Variants in ZNF600 observed in about 807,000 individuals in gnomAD.
ZNF600 encodes the protein zinc finger protein KR-ZNF1.
ZNF600 carries 4 observed loss-of-function variants against 7.3 expected under a neutral mutation model. The observed-to-expected ratio is 0.55, with a 90% CI of 0.27 to 1.25. The LOEUF is 1.25. ZNF600 is among the 50% of genes most tolerant of loss of function. The probability of loss-of-function intolerance (pLI) is 0.12; values close to 1 mark genes in which losing one functional copy is unlikely to be tolerated. For missense variants in ZNF600, 911 were observed against 922.1 expected (o/e 0.99, Z 0.16); for synonymous variants, 290 against 308.9 (o/e 0.94, Z 0.64).
the ZNF600 span, chr19:52,808,061 T>G: frequency 6.2e-7 from 1 of 1,613,594 alleles, no homozygotes; most frequent in Non-Finnish European, 8.5e-7. Flanking sequence ...TAAAGAGTCC[T>G]CTGAGCAGGG....
intron 2 of ZNF600, among the ~76,000 whole-genome samples, chr19:52,776,617 A>G (rs1447677000): frequency 3.3e-5 from 5 of 152,060 alleles, no homozygotes; most frequent in Admixed American, 3.3e-4. Context: ...TCACCATCTT[A>G]GCCAGGCTGG....
At position 52,778,877 on chromosome 19, in the gene ZNF600, T is replaced by C. The variant is rs149819361; in HGVS notation, c.12A>G (p.Glu4=). ...TTCCTTTCCTCTTCTGAGCTGCTTC[T>C]TCACATAACATGAGTCTTTAGGAAT... Residue 4 remains glutamate (E), a synonymous_variant, in exon 2 of 4, where the codon GAA becomes GAG. Coordinates refer to ENST00000648973, the Ensembl canonical transcript of ZNF600. 437 of 1,605,492 alleles carry C rather than the reference T, an allele frequency of 2.7e-4. 1 individual carries two copies. The African/African-American group carries it at 5.2e-3, about 19-fold the overall frequency.
At chr19:52,793,811 C>CACAAAAGT in the ZNF600 span, among the ~76,000 whole-genome samples, 1 of 111,898 alleles carries the variant, frequency 8.9e-6, no homozygotes, top group Non-Finnish European at 1.9e-5. Context: ...CACACACACA[C>CACAAAAGT]ACACACAAAA....
the ZNF600 span, chr19:52,798,685 A>T: frequency 7.5e-5 from 33 of 442,944 alleles, no homozygotes; most frequent in South Asian, 5.7e-4. Flanking sequence ...CATGACATTT[A>T]TAAGGTTTCT....
the ZNF600 span, chr19:52,809,958 G>A: frequency 1.2e-6 from 1 of 817,154 alleles, no homozygotes; most frequent in South Asian, 1.4e-5. Flanking sequence ...GGGCGCAGGG[G>A]ACGATGGGAA....
chr19:52,807,516 C>T, the ZNF600 span, among the ~76,000 whole-genome samples: 14 of 152,272 alleles, frequency 9.2e-5, no homozygotes, highest in South Asian at 2.1e-4. Flanking sequence ...CTCTGTCGTC[C>T]GGGCTGGAGT....
chr19:52,766,996 T>C (rs779460250), exon 4 of ZNF600: 16 of 1,614,030 alleles, frequency 9.9e-6, no homozygotes, highest in Non-Finnish European at 8.5e-7. Context: ...TGACCAAAGA[T>C]CTTGCCACAC....
At chr19:52,826,416 C>T in the ZNF600 span, among the ~76,000 whole-genome samples, 1 of 151,680 alleles carries the variant, frequency 6.6e-6, no homozygotes, top group Non-Finnish European at 1.5e-5. Context: ...ACTAAAAGTA[C>T]AAAACTTAGC....
the ZNF600 span, among the ~76,000 whole-genome samples, chr19:52,817,344 C>T: frequency 6.6e-6 from 1 of 151,948 alleles, no homozygotes; most frequent in Non-Finnish European, 1.5e-5. Context: ...TGCACTCCAG[C>T]CTGGATAACA....
chr19:52,768,748 G>A (rs112778812), intron 3 of ZNF600, among the ~76,000 whole-genome samples: 1,644 of 152,066 alleles, frequency 0.011, 25 homozygotes, highest in African/African-American at 0.038. Context: ...TGGGCAGCAA[G>A]CCAACTAGGT....
intron 1 of ZNF600, chr19:52,780,732 AAAACAAAC>A (rs145170652): frequency 3.6e-4 from 55 of 152,316 alleles, no homozygotes; most frequent in African/African-American, 1.3e-3. Flanking sequence ...TCCTCTCAAA[AAAACAAAC>A]AAACAAACAA....
At chr19:52,821,889 C>T in the ZNF600 span, among the ~76,000 whole-genome samples, 2 of 151,044 alleles carry the variant, frequency 1.3e-5, no homozygotes, top group East Asian at 3.9e-4. Context: ...GGCAACAGAG[C>T]CAGACTCCGT....
the ZNF600 span, among the ~76,000 whole-genome samples, chr19:52,804,171 T>G: frequency 0.76 from 115,867 of 151,772 alleles, 45,555 homozygotes; most frequent in Non-Finnish European, 0.87. Flanking sequence ...ATATGGCTGG[T>G]CTAAAGCATG....
chr19:52,792,724 ATTTAT>A, the ZNF600 span, among the ~76,000 whole-genome samples: 1 of 150,098 alleles, frequency 6.7e-6, no homozygotes, highest in South Asian at 2.1e-4. Flanking sequence ...TCCTCTTTTT[ATTTAT>A]TTATTTATTT....
the ZNF600 span, among the ~76,000 whole-genome samples, chr19:52,823,321 C>G: frequency 6.6e-6 from 1 of 152,156 alleles, no homozygotes; most frequent in Non-Finnish European, 1.5e-5. Flanking sequence ...TCAAGCAGCT[C>G]TCCTGCCTCA....
chr19:52,808,809 T>C, the ZNF600 span, among the ~76,000 whole-genome samples: 1 of 151,934 alleles, frequency 6.6e-6, no homozygotes, highest in South Asian at 2.1e-4. Flanking sequence ...CGAGACCCCA[T>C]CTCAAAATAA....
At chr19:52,815,102 TA>T in the ZNF600 span, among the ~76,000 whole-genome samples, 9 of 30,582 alleles carry the variant, frequency 2.9e-4, 1 homozygote, top group African/African-American at 7.2e-4. Flanking sequence ...TATATATATT[TA>T]TATATATATA....
intron 2 of ZNF600, among the ~76,000 whole-genome samples, chr19:52,777,015 TC>T (rs1238901768): frequency 6.6e-6 from 1 of 151,938 alleles, no homozygotes; most frequent in Non-Finnish European, 1.5e-5. Flanking sequence ...TAAAGTAAAA[TC>T]AATGATGTAA....
chr19:52,813,249 G>GAAAAAAAAAAAAAAAAAAAAA, the ZNF600 span, among the ~76,000 whole-genome samples: 8 of 62,984 alleles, frequency 1.3e-4, 1 homozygote, highest in South Asian at 9.7e-4. Flanking sequence ...CTTGAATGGT[G>GAAAAAAAAAAAAAAAAAAAAA]AAAAAAAAAA....
Sources: gnomAD v4.1 joint callset for allele counts (sites outside exome capture counted in the v4.1 genomes callset) on GRCh38, gnomAD v4.1.1 for gene constraint, MANE v1.5 for transcripts, NCBI Gene and HGNC (gene_info 2026-07-23, HGNC 2026-07-21) for gene names.